Variants in CACNA2D3 observed in about 807,000 individuals in gnomAD.
The protein encoded by CACNA2D3 is voltage-dependent calcium channel subunit alpha-2/delta-3.
A neutral mutation model predicts 160.6 loss-of-function variants in CACNA2D3; 60 were observed. That is an observed-to-expected ratio of 0.37 (90% CI 0.30 to 0.46). The LOEUF is 0.46. Ranked by LOEUF, CACNA2D3 falls within the 20% of genes least tolerant of loss-of-function variation. The pLI, the probability that CACNA2D3 is intolerant of heterozygous loss-of-function variation, is 1.00. For synonymous variants in CACNA2D3, 558 were observed against 492.9 expected (o/e 1.13, Z -1.75); for missense variants, 1,205 against 1,365.0 (o/e 0.88, Z 1.85).
At chr3:54,766,980 A>G (rs553326863) in intron 13 of CACNA2D3, among the ~76,000 whole-genome samples, 79 of 151,486 alleles carry the variant, frequency 5.2e-4, no homozygotes, top group African/African-American at 1.7e-3. Context: ...ATAAACCAGA[A>G]ACCAACAGAA....
intron 27 of CACNA2D3, among the ~76,000 whole-genome samples, chr3:54,916,772 G>C (rs1200506402): frequency 6.6e-6 from 1 of 152,216 alleles, no homozygotes; most frequent in Non-Finnish European, 1.5e-5. Context: ...ATTTCAGTTA[G>C]AGAATGGACT....
intron 35 of CACNA2D3, among the ~76,000 whole-genome samples, chr3:55,019,804 C>T (rs1703408328): frequency 6.6e-6 from 1 of 152,116 alleles, no homozygotes; most frequent in African/African-American, 2.4e-5. Flanking sequence ...GATTAGGCAA[C>T]CATGTCTCAT....
Position 54,736,156 on chromosome 3 carries a change from CACACACACAG to C in CACNA2D3, c.1168-16435_1168-16426del, listed in dbSNP as rs140869099. 5.4e-3 allele frequency among the ~76,000 whole-genome samples: 711 copies of C among 131,196 alleles called. 32 individuals are homozygous for C. Among genetic ancestry groups the C allele is most frequent in the African/African-American group, 0.02 (677 of 33,852 alleles). 86.1% of individuals were successfully genotyped at this position (131,196 alleles called of 152,430 possible). A position where few individuals can be genotyped will look rare whatever the true frequency, so the allele number is the denominator to read the frequency against. The stretch of plus-strand genomic sequence containing the variant: ...GTATATATATACACACACACACACA[CACACACACAG>C]ACACACATAAATGGGATCAGACTGT... On this transcript the variant is annotated intron_variant, in intron 11 of 37. Transcript: ENST00000474759.
At chr3:55,015,435 G>T (rs79402979) in intron 34 of CACNA2D3, among the ~76,000 whole-genome samples, 1 of 152,064 alleles carries the variant, frequency 6.6e-6, no homozygotes, top group Non-Finnish European at 1.5e-5. Flanking sequence ...TTCATATTAA[G>T]CAGGACAGCA....
chr3:54,438,443 A>G (rs1452635188), intron 4 of CACNA2D3, among the ~76,000 whole-genome samples: 1 of 152,188 alleles, frequency 6.6e-6, no homozygotes, highest in Non-Finnish European at 1.5e-5. Flanking sequence ...ACCTTCCTGA[A>G]AAAGTGTTGC....
intron 5 of CACNA2D3, among the ~76,000 whole-genome samples, chr3:54,546,029 T>C (rs1256792398): frequency 6.6e-6 from 1 of 152,160 alleles, no homozygotes; most frequent in Non-Finnish European, 1.5e-5. Flanking sequence ...AGAAGACATC[T>C]GAAGATCCCC....
At chr3:54,955,064 C>T (rs6775716) in intron 27 of CACNA2D3, among the ~76,000 whole-genome samples, 64,015 of 152,008 alleles carry the variant, frequency 0.42, 14,635 homozygotes, top group East Asian at 0.74. Flanking sequence ...TGACAAAAGA[C>T]CGATTAGTAG....
intron 2 of CACNA2D3, among the ~76,000 whole-genome samples, chr3:54,294,750 A>G (rs1559912618): frequency 6.6e-6 from 1 of 152,294 alleles, no homozygotes; most frequent in East Asian, 1.9e-4. Context: ...GGGAAAAAAA[A>G]TAAAGAGATA....
intron 2 of CACNA2D3, among the ~76,000 whole-genome samples, chr3:54,149,913 CTCTCTCTCTCTCTCT>C (rs1700108555): frequency 1.0e-5 from 1 of 95,462 alleles, no homozygotes; most frequent in African/African-American, 4.5e-5. Flanking sequence ...CTCTCTCTCT[CTCTCTCTCTCTCTCT>C]CTCCCTCCCT....
chr3:54,964,342 G>C (rs1702095855), intron 27 of CACNA2D3, among the ~76,000 whole-genome samples: 1 of 152,132 alleles, frequency 6.6e-6, no homozygotes, highest in Admixed American at 6.5e-5. Flanking sequence ...GGAGCACTGT[G>C]ACCTCCGGGG....
At position 54,175,613 on chromosome 3, in the gene CACNA2D3, CAAAAAAAA is replaced by C. The variant is rs1163953295; in HGVS notation, c.204+52033_204+52040del. Among the ~76,000 whole-genome samples the C allele has an allele frequency of 2.4e-3, 220 of 90,324 alleles. 1 individual carries two copies. The highest frequency in any genetic ancestry group is 9.0e-3 in the African/African-American group (208 of 23,056). The allele number at this position is 90,324 out of a possible 152,430, so 59.3% of individuals were successfully genotyped here. A position where few individuals can be genotyped will look rare whatever the true frequency, so the allele number is the denominator to read the frequency against. Reference sequence around the variant, plus strand: ...GGGGTGACAAAGCGAGACTCTGTCTCAAAAAAAAAAAAAAAAAAAAAGCAGATTAATTG... The same window carrying C: ...GGGGTGACAAAGCGAGACTCTGTCTCAAAAAAAAAAAAAGCAGATTAATTG... On this transcript the variant is annotated intron_variant, in intron 2 of 37. Transcript: ENST00000474759.
intron 25 of CACNA2D3, among the ~76,000 whole-genome samples, chr3:54,895,538 G>A (rs1425778755): frequency 6.6e-6 from 1 of 152,160 alleles, no homozygotes. Context: ...TCCTGAACTG[G>A]GTGCCAAGTT....
intron 9 of CACNA2D3, among the ~76,000 whole-genome samples, chr3:54,594,833 G>T (rs1362172042): frequency 6.6e-6 from 1 of 152,206 alleles, no homozygotes; most frequent in African/African-American, 2.4e-5. Context: ...TTTGTCAGCT[G>T]AGTTGACAGA....
chr3:54,241,852 T>C (rs1267861660), intron 2 of CACNA2D3, among the ~76,000 whole-genome samples: 1 of 152,216 alleles, frequency 6.6e-6, no homozygotes, highest in East Asian at 1.9e-4. Flanking sequence ...TTGGGTAAGT[T>C]ACTTGAACTT....
chr3:54,762,082 G>A (rs1200723827), intron 12 of CACNA2D3, among the ~76,000 whole-genome samples: 2 of 152,114 alleles, frequency 1.3e-5, no homozygotes, highest in African/African-American at 4.8e-5. Context: ...TAGAGGCACG[G>A]GGAGGAAACA....
chr3:54,678,668 C>T (rs1700284827), intron 11 of CACNA2D3, among the ~76,000 whole-genome samples: 1 of 127,452 alleles, frequency 7.8e-6, no homozygotes, highest in Admixed American at 1.1e-4. Context: ...TTGTAATGAG[C>T]CGAGATCGTG....
chr3:55,068,649 C>T (rs575290636), intron 35 of CACNA2D3, among the ~76,000 whole-genome samples: 2 of 152,320 alleles, frequency 1.3e-5, no homozygotes, highest in East Asian at 3.9e-4. Flanking sequence ...CACTCAACGT[C>T]TTGGGTCTCC....
At chr3:54,299,462 C>A (rs1290007410) in intron 2 of CACNA2D3, among the ~76,000 whole-genome samples, 1 of 152,178 alleles carries the variant, frequency 6.6e-6, no homozygotes, top group Non-Finnish European at 1.5e-5. Flanking sequence ...CGGTGTTTGG[C>A]TGATGTTCCA....
intron 34 of CACNA2D3, among the ~76,000 whole-genome samples, chr3:55,015,521 G>A (rs1266479909): frequency 2.0e-5 from 3 of 152,142 alleles, no homozygotes; most frequent in Non-Finnish European, 4.4e-5. Flanking sequence ...CTGCATGCTT[G>A]TGCCGCATCC....
Sources: allele counts gnomAD v4.1 joint callset (sites outside exome capture counted in the v4.1 genomes callset), GRCh38; gene constraint gnomAD v4.1.1; transcripts MANE v1.5; gene names NCBI Gene and HGNC (gene_info 2026-07-23, HGNC 2026-07-21).